MAN2C1: variants seen among roughly 807,000 people sequenced by gnomAD.
The protein encoded by MAN2C1 is alpha-mannosidase 2C1.
In MAN2C1, 111 loss-of-function variants were observed where a neutral mutation model predicts 126.9. The observed-to-expected ratio is 0.87, with a 90% confidence interval of 0.75 to 1.02. The LOEUF (loss-of-function observed/expected upper bound fraction) is 1.02. MAN2C1 is among the 50% of genes least tolerant of loss of function. The pLI is 0.00. For missense variants in MAN2C1, 1,363 were observed against 1,364.4 expected (o/e 1.00, Z 0.02); for synonymous variants, 567 against 561.5 (o/e 1.01, Z -0.14).
At chr15:75,363,875 C>T (rs565231660) in intron 6 of MAN2C1, 124 bp downstream of exon 6, 14 of 1,052,322 alleles carry the variant, frequency 1.3e-5, no homozygotes, top group Admixed American at 5.4e-5. Flanking sequence ...GTTTTACAGA[C>T]GGGGAAAACG....
chr15:75,362,813 C>G lies in MAN2C1; in HGVS notation c.791-65G>C. 1 of 1,389,002 alleles carries G rather than the reference C, an allele frequency of 7.2e-7. No homozygotes were observed. The highest frequency in any genetic ancestry group is 1.0e-6 in the Non-Finnish European group (1 of 981,982). The allele number at this position is 1,389,002 out of a possible 1,614,324, so 86.0% of individuals were successfully genotyped here. ...GGCTGACCAGGCCTGGGCTGGGACT[C>G]CAGAGGGTCACCTAGCCCCCCTCCC... On this transcript the variant is annotated intron_variant, in intron 6 of 25. Coordinates refer to ENST00000267978, the MANE Select transcript of MAN2C1 (RefSeq NM_006715.4). The surrounding 1 kb of genome is among the most constrained non-coding windows in gnomAD (Gnocchi z 4.5).
chr15:75,358,207 T>G lies in MAN2C1; in HGVS notation c.2541A>C (p.Arg847=), dbSNP rs1190934440. Residue 847 remains arginine, a synonymous_variant, in exon 21 of 26, where the codon CGA becomes CGC. Transcript: ENST00000267978. ...THYNTSWDWA[R]FEVWAHRWMD... ...CCACCCTGCCATGTCAGACCTCAAA[T>G]CGAGCCCAGTCCCAAGAGGTATTGT... The G allele has an allele frequency of 6.2e-7, 1 of 1,614,058 alleles. No individual in the cohort carries two copies. Among genetic ancestry groups the G allele is most frequent in the Non-Finnish European group, 8.5e-7 (1 of 1,179,988 alleles).
chr15:75,361,766 C>T lies in MAN2C1; in HGVS notation c.1102-46G>A, dbSNP rs116485212. On this transcript the variant is annotated intron_variant, in intron 9 of 25. Transcript: ENST00000267978. This position sits in a 1 kb window ranked among gnomAD's most constrained non-coding sequence, Gnocchi z 5.0. Reference sequence around the variant, plus strand: ...GGAGTGCAGGAACCAGAGCTCCAGGCGGACTCACCCCAGCCTCAGCCCCTC... The same window carrying T: ...GGAGTGCAGGAACCAGAGCTCCAGGTGGACTCACCCCAGCCTCAGCCCCTC... The T allele has an allele frequency of 1.9e-3, 3,078 of 1,588,032 alleles. 45 individuals carry two copies. In the African/African-American group the frequency reaches 0.022, roughly 11 times the overall value.
At chr15:75,359,798 T>C (rs1047127018) in intron 15 of MAN2C1, 23 bp from the exon 16 acceptor site, 4 of 1,613,752 alleles carry the variant, frequency 2.5e-6, no homozygotes, top group African/African-American at 2.7e-5. Context: ...TGGCTGGTCA[T>C]AGGTGGGCAA....
Position 75,363,715 on chromosome 15 carries a change from A to G in MAN2C1, c.790+284T>C, listed in dbSNP as rs565914671. The G allele has an allele frequency of 1.8e-4, 73 of 402,356 alleles. 2 individuals are homozygous for G. Among genetic ancestry groups the G allele is most frequent in the South Asian group, 1.8e-3 (73 of 40,552 alleles). The allele number at this position is 402,356 out of a possible 1,614,324, so 24.9% of individuals were successfully genotyped here. ...CAGCTACTAAGGAGGCTGAGGCAAGAGAATCGCCTGAACCCGGGAGGCAGA... is the reference window on the plus strand; with the variant it reads ...CAGCTACTAAGGAGGCTGAGGCAAGGGAATCGCCTGAACCCGGGAGGCAGA... On this transcript the variant is annotated intron_variant, in intron 6 of 25. Coordinates refer to ENST00000267978, the MANE Select transcript of MAN2C1 (RefSeq NM_006715.4).
intron 6 of MAN2C1, 191 bp downstream of exon 6, chr15:75,363,806 CAA>C (rs773976642): frequency 1.8e-3 from 909 of 511,340 alleles, no homozygotes; most frequent in East Asian, 2.5e-3. Flanking sequence ...GACTCCGTCT[CAA>C]AAAAAAAAAA....
In MAN2C1 at chr15:75,364,058, T is replaced by A. The variant is rs773747587; in HGVS notation, c.731A>T (p.Gln244Leu). The change falls in exon 6 of 26, where the codon CAA becomes CTA. Residue 244 changes from glutamine to leucine, a missense_variant. This residue lies in a region of MAN2C1 where 628 missense variants were observed against 609.8 expected (regional missense o/e 1.03). Coordinates refer to ENST00000267978, the MANE Select transcript of MAN2C1 (RefSeq NM_006715.4). ...GGTGTGTTGGCTTTCACCCCCATGT[T>A]GGCCAAAGAACCTGGAGGCCAGGGC... is the stretch of plus-strand genomic sequence containing the variant. ...AQALASRFFGQHGGESQHTIH... is the reference protein window; with the variant it reads ...AQALASRFFGLHGGESQHTIH... 5 of 1,614,214 alleles carry A rather than the reference T, an allele frequency of 3.1e-6. No individual in the cohort carries two copies. In the South Asian group the frequency reaches 5.5e-5, roughly 18 times the overall value.
intron 16 of MAN2C1, 60 bp downstream of exon 16, chr15:75,359,558 GCC>G: frequency 6.3e-7 from 1 of 1,597,896 alleles, no homozygotes; most frequent in Non-Finnish European, 8.5e-7. Context: ...GGTATCCCAG[GCC>G]TGATCTGTCT....
At chr15:75,363,509 TGAAA>T in intron 6 of MAN2C1, among the ~76,000 whole-genome samples, 1 of 152,200 alleles carries the variant, frequency 6.6e-6, no homozygotes, top group East Asian at 1.9e-4. Context: ...CAGATTTTGT[TGAAA>T]GAATAAATGA....
In MAN2C1 at chr15:75,360,119, G is replaced by A. The variant is rs1249823902; in HGVS notation, c.1677C>T (p.Tyr559=). 6.2e-7 allele frequency: 1 copy of A among 1,613,964 alleles called. No individual in the cohort carries two copies. Residue 559 remains tyrosine, a synonymous_variant, in exon 14 of 26, where the codon TAC becomes TAT. Transcript: ENST00000267978. ...AGAGGTGCTGCAGCTGGGCTGCTGG[G>A]TATAGGAACTGGGCACTGCGGGCCA... is the stretch of plus-strand genomic sequence containing the variant. ...LALARSAQFL[Y]PAAQLQHLWR...
chr15:75,358,115 T>A, intron 21 of MAN2C1, 86 bp downstream of exon 21: 1 of 1,510,908 alleles, frequency 6.6e-7, no homozygotes, highest in East Asian at 2.3e-5. Context: ...ATGTTGATTA[T>A]CCTCTTCCTC....
At position 75,362,577 on chromosome 15, in the gene MAN2C1, C is replaced by T. The variant is rs2072495422; in HGVS notation, c.897+65G>A. ...CCTGACCCCAGGCCTGGGAAGCCTT[C>T]AGGGCCTGTGGAGCTCCAGGGAGGG... On this transcript the variant is annotated intron_variant, in intron 7 of 25. Transcript: ENST00000267978. This position sits in a 1 kb window ranked among gnomAD's most constrained non-coding sequence, Gnocchi z 4.5. 2.5e-6 allele frequency: 4 copies of T among 1,572,128 alleles called. No individual in the cohort carries two copies. The highest frequency in any genetic ancestry group is 3.5e-6 in the Non-Finnish European group (4 of 1,147,316).
At position 75,356,834 on chromosome 15, in the gene MAN2C1, C is replaced by T; in HGVS notation, c.2616G>A (p.Lys872=). The T allele has an allele frequency of 1.2e-6, 2 of 1,614,144 alleles. No individual in the cohort carries two copies. The highest frequency in any genetic ancestry group is 2.2e-5 in the East Asian group (1 of 44,880). ...GFGLALLNDC[K]YGASVRGSIL... is the part of the protein sequence containing the mutation. ...TGCTGCCTCGCACTGACGCGCCATA[C>T]TTGCAGTCGTTGAGCAGGGCCAGCC... The change falls in exon 22 of 26, where the codon AAG becomes AAA. Residue 872 remains lysine (K), a synonymous_variant. Coordinates refer to ENST00000267978, the MANE Select transcript of MAN2C1 (RefSeq NM_006715.4). This position sits in a 1 kb window ranked among gnomAD's most constrained non-coding sequence, Gnocchi z 5.8.
intron 16 of MAN2C1, 52 bp from the exon 17 acceptor site, chr15:75,359,477 T>G (rs2072420849): frequency 3.2e-6 from 5 of 1,578,668 alleles, no homozygotes; most frequent in Non-Finnish European, 4.3e-6. Context: ...TTCAGGAAGC[T>G]TGCGCAGGTG....
At position 75,358,493 on chromosome 15, in the gene MAN2C1, A is replaced by C; in HGVS notation, c.2372T>G (p.Val791Gly). 6.2e-7 allele frequency: 1 copy of C among 1,613,588 alleles called. No individual in the cohort carries two copies. Among genetic ancestry groups the C allele is most frequent in the Non-Finnish European group, 8.5e-7 (1 of 1,180,016 alleles). The change falls in exon 20 of 26, where the codon GTT becomes GGT. Residue 791 changes from valine to glycine, a missense_variant. Coordinates refer to ENST00000267978, the MANE Select transcript of MAN2C1 (RefSeq NM_006715.4). ...GTGGAAGCGGACATAGGGGCAGCCA[A>C]CGTCCAGCACAACCTCCTGGCTAAG... Reference protein sequence around the residue: ...SRLSQEVVLDVGCPYVRFHTE... With the variant: ...SRLSQEVVLDGGCPYVRFHTE...
Position 75,359,366 on chromosome 15 carries a change from G to C in MAN2C1, c.2008C>G (p.Pro670Ala). The C allele has an allele frequency of 6.2e-7, 1 of 1,605,164 alleles. No homozygotes were observed. The highest frequency in any genetic ancestry group is 8.5e-7 in the Non-Finnish European group (1 of 1,176,036). Reference sequence around the variant, plus strand: ...AACACAGGCTGCTGGGGCAGCAGGGGCTGCAGTGAGGTGGGGGGAGGAACA... The same window carrying C: ...AACACAGGCTGCTGGGGCAGCAGGGCCTGCAGTGAGGTGGGGGGAGGAACA... ...APVPPPTSLQ[P>A]LLPQQPVFVV... Residue 670 changes from proline to alanine, a missense_variant, in exon 17 of 26, where the codon CCC becomes GCC. Transcript: ENST00000267978.
chr15:75,358,107 G>T, intron 21 of MAN2C1, 94 bp downstream of exon 21: 1 of 1,474,886 alleles, frequency 6.8e-7, no homozygotes, highest in Non-Finnish European at 9.4e-7. Context: ...AGCAGCAAAT[G>T]TTGATTATCC....
Position 75,361,843 on chromosome 15 carries a change from C to T in MAN2C1, c.1101+12G>A, listed in dbSNP as rs1290240786. The T allele has an allele frequency of 6.2e-7, 1 of 1,613,322 alleles. No individual in the cohort carries two copies. The highest frequency in any genetic ancestry group is 1.3e-5 in the African/African-American group (1 of 74,894). ...ACTCGCCCACAGCCTGGTGTAGCAGCTCTCAGCCTACCTCAGAGCACATCT... is the reference window on the plus strand; with the variant it reads ...ACTCGCCCACAGCCTGGTGTAGCAGTTCTCAGCCTACCTCAGAGCACATCT... On this transcript the variant is annotated intron_variant, in intron 9 of 25. Transcript: ENST00000267978. This position sits in a 1 kb window ranked among gnomAD's most constrained non-coding sequence, Gnocchi z 5.0.
At position 75,359,663 on chromosome 15, in the gene MAN2C1, GA is replaced by G; in HGVS notation, c.1904del (p.Ile635ThrfsTer3). On this transcript the variant is annotated frameshift_variant, in exon 16 of 26. Transcript: ENST00000267978. LOFTEE classifies it high-confidence loss of function. ...CCGGTTTGGGCAGGGCCATCACTTCGATCCGCTTCCAGGGCAGTGTGTTGAC... is the reference window on the plus strand; with the variant it reads ...CCGGTTTGGGCAGGGCCATCACTTCGTCCGCTTCCAGGGCAGTGTGTTGAC... ...LIVNTLPWKR[I>X]EVMALPKPGG... 6.2e-7 allele frequency: 1 copy of G among 1,614,136 alleles called. No homozygotes were observed. Among genetic ancestry groups the G allele is most frequent in the Middle Eastern group, 1.6e-4 (1 of 6,062 alleles).
Sources: gnomAD v4.1 joint callset for allele counts (sites outside exome capture counted in the v4.1 genomes callset) on GRCh38, gnomAD v4.1.1 for gene constraint, gnomAD v4.1.1 regional missense constraint, Gnocchi (gnomAD v3.1) non-coding constraint, MANE v1.5 for transcripts, NCBI Gene and HGNC (gene_info 2026-07-23, HGNC 2026-07-21) for gene names.